RABGAP1: variants seen among roughly 807,000 people sequenced by gnomAD.
RABGAP1 encodes RAB GTPase activating protein 1.
RABGAP1 carries 23 observed loss-of-function variants against 137.6 expected under a neutral mutation model. The ratio of observed to expected loss-of-function variants is 0.17; its 90% CI spans 0.12 to 0.24. The LOEUF (loss-of-function observed/expected upper bound fraction) is 0.24. Ranked by LOEUF, RABGAP1 falls within the 10% of genes least tolerant of loss-of-function variation. The pLI, the probability that RABGAP1 is intolerant of heterozygous loss-of-function variation, is 1.00. For missense variants in RABGAP1, 906 were observed against 1,275.8 expected (o/e 0.71, Z 4.42); for synonymous variants, 451 against 450.7 (o/e 1.00, Z -0.01).
chr9:123,035,163 A>T (rs372991259), intron 13 of RABGAP1: 1 of 1,613,838 alleles, frequency 6.2e-7, no homozygotes, highest in African/African-American at 1.3e-5. Flanking sequence ...TGATGATGTT[A>T]TATGCCCCAG....
At chr9:122,972,063 GATGCTT>G (rs1337459912) in intron 2 of RABGAP1, 1 of 152,196 alleles carries the variant, frequency 6.6e-6, no homozygotes, top group Non-Finnish European at 1.5e-5. Context: ...CTGTATTTAA[GATGCTT>G]ATAGCTTAGG....
chr9:123,045,655 T>A lies in RABGAP1; in HGVS notation c.1795-19693T>A, dbSNP rs148643258. Among the ~76,000 whole-genome samples, 441 of 152,274 alleles carry A rather than the reference T, an allele frequency of 2.9e-3. 5 individuals carry two copies. Among genetic ancestry groups the A allele is most frequent in the African/African-American group, 9.8e-3 (409 of 41,542 alleles). On this transcript the variant is annotated intron_variant, in intron 13 of 25. Transcript: ENST00000373647. Reference sequence around the variant, plus strand: ...ATGACAGCAGTATTATAGGAGTTGGTTTAAGATCAGTTGCATATTATGTTA... The same window carrying A: ...ATGACAGCAGTATTATAGGAGTTGGATTAAGATCAGTTGCATATTATGTTA...
At chr9:123,098,419 T>C (rs2035247841) in intron 22 of RABGAP1, among the ~76,000 whole-genome samples, 1 of 152,212 alleles carries the variant, frequency 6.6e-6, no homozygotes, top group African/African-American at 2.4e-5. Context: ...TTGGTTTGTG[T>C]CTGGTCTGTC....
chr9:123,072,087 GTGGATTT>G (rs1189498011), intron 15 of RABGAP1, among the ~76,000 whole-genome samples: 1 of 152,190 alleles, frequency 6.6e-6, no homozygotes, highest in South Asian at 2.1e-4. Flanking sequence ...CGGAAGTGTT[GTGGATTT>G]TGGATTTTGG....
At chr9:123,050,547 G>C (rs1289628131) in intron 13 of RABGAP1, among the ~76,000 whole-genome samples, 1 of 152,196 alleles carries the variant, frequency 6.6e-6, no homozygotes, top group East Asian at 1.9e-4. Flanking sequence ...GTAAAAATGT[G>C]TTTGTTTTAT....
intron 13 of RABGAP1, among the ~76,000 whole-genome samples, chr9:123,025,543 CTTTTT>C (rs577474947): frequency 1.2e-4 from 9 of 75,014 alleles, no homozygotes; most frequent in South Asian, 6.7e-4. Flanking sequence ...TCTTTCTTTT[CTTTTT>C]TTTTTTTTTT....
intron 13 of RABGAP1, among the ~76,000 whole-genome samples, chr9:123,049,838 T>G (rs1388481521): frequency 1.3e-5 from 2 of 152,228 alleles, no homozygotes; most frequent in Non-Finnish European, 2.9e-5. Context: ...TACCAGGCCT[T>G]AAGCCACCAG....
intron 13 of RABGAP1, among the ~76,000 whole-genome samples, chr9:123,043,905 T>G (rs1032646164): frequency 1.3e-5 from 2 of 148,780 alleles, no homozygotes; most frequent in East Asian, 3.9e-4. Context: ...ATTTTCTTTT[T>G]TTTTTTTTTT....
rs2035433850 is a variant in RABGAP1, at chr9:123,104,193, A to C, written c.*980A>C. The C allele has an allele frequency of 6.6e-6, 1 of 152,412 alleles. No homozygotes were observed. The highest frequency in any genetic ancestry group is 1.5e-5 in the Non-Finnish European group (1 of 68,020). 9.4% of individuals were successfully genotyped at this position (152,412 alleles called of 1,614,324 possible). ...AGAGCTCCCTCACTTCAAGATTCCTAGTGTTTTTGCACAACAGGTTGTCCA... is the reference window on the plus strand; with the variant it reads ...AGAGCTCCCTCACTTCAAGATTCCTCGTGTTTTTGCACAACAGGTTGTCCA... On this transcript the variant is annotated 3_prime_UTR_variant, in exon 26 of 26. Transcript: ENST00000373647.
chr9:122,949,303 AG>A (rs567613591), intron 1 of RABGAP1, among the ~76,000 whole-genome samples: 1 of 152,146 alleles, frequency 6.6e-6, no homozygotes, highest in Non-Finnish European at 1.5e-5. Context: ...ACCCGAGGTC[AG>A]GAGTTTGAGA....
intron 14 of RABGAP1, among the ~76,000 whole-genome samples, chr9:123,069,021 CT>C (rs1217340955): frequency 6.6e-6 from 1 of 152,154 alleles, no homozygotes; most frequent in Admixed American, 6.5e-5. Flanking sequence ...AGGAATTTCC[CT>C]TTCTACCACA....
intron 13 of RABGAP1, among the ~76,000 whole-genome samples, chr9:123,059,312 T>C (rs1400048504): frequency 6.6e-6 from 1 of 152,088 alleles, no homozygotes; most frequent in Non-Finnish European, 1.5e-5. Flanking sequence ...CCCAGCACTT[T>C]GGGAGGCCGA....
chr9:122,941,879 G>C (rs769247301), intron 1 of RABGAP1, among the ~76,000 whole-genome samples: 13 of 152,206 alleles, frequency 8.5e-5, no homozygotes, highest in Non-Finnish European at 1.5e-5. Flanking sequence ...GCATACCTTT[G>C]GTTACTCGAG....
At chr9:123,055,670 C>T (rs1013571428) in intron 13 of RABGAP1, among the ~76,000 whole-genome samples, 9 of 151,628 alleles carry the variant, frequency 5.9e-5, no homozygotes, top group African/African-American at 9.7e-5. Context: ...CTGCCTCAGC[C>T]TCCTGAGTAG....
rs149195029 is a variant in RABGAP1, at chr9:122,996,125, A to G, written c.1008A>G (p.Thr336=). ...AGATTGTCATCTATGTGCAGCAAAC[A>G]ACTAATAAAGAACTTGCCATTGAAA... ...DKKIVIYVQQ[T]TNKELAIERC... is the part of the protein sequence containing the mutation. The change falls in exon 7 of 26, where the codon ACA becomes ACG. Residue 336 remains threonine (T), a synonymous_variant. Transcript: ENST00000373647. 2.2e-5 allele frequency: 36 copies of G among 1,610,620 alleles called. No individual in the cohort carries two copies. The highest frequency in any genetic ancestry group is 3.0e-5 in the Non-Finnish European group (35 of 1,179,234).
At chr9:122,996,905 C>T (rs1229680066) in intron 8 of RABGAP1, 2 of 466,490 alleles carry the variant, frequency 4.3e-6, no homozygotes, top group African/African-American at 2.0e-5. Context: ...TATAGACTGT[C>T]GTGTATCTTA....
chr9:123,061,824 A>G (rs1467628336), intron 13 of RABGAP1: 4 of 152,230 alleles, frequency 2.6e-5, no homozygotes, highest in Admixed American at 2.0e-4. Flanking sequence ...AAGTACATTT[A>G]TAAAAACTTG....
chr9:123,035,379 C>T (rs376922880), intron 13 of RABGAP1: 1 of 1,614,152 alleles, frequency 6.2e-7, no homozygotes, highest in Non-Finnish European at 8.5e-7. Flanking sequence ...ATATCATCTA[C>T]TTCTTGTTGG....
intron 2 of RABGAP1, among the ~76,000 whole-genome samples, chr9:122,976,799 A>T (rs1835780903): frequency 6.6e-6 from 1 of 152,234 alleles, no homozygotes; most frequent in Non-Finnish European, 1.5e-5. Flanking sequence ...ATAAACATAT[A>T]TGCTAATATT....
Sources: allele counts gnomAD v4.1 joint callset (sites outside exome capture counted in the v4.1 genomes callset), GRCh38; gene constraint gnomAD v4.1.1; transcripts MANE v1.5; gene names NCBI Gene and HGNC (gene_info 2026-07-23, HGNC 2026-07-21).